PLA2G15: variants seen among roughly 807,000 people sequenced by gnomAD.
PLA2G15 encodes the protein phospholipase A2 group XV, also known as lysosomal phospholipase A and acyltransferase.
Under a neutral mutation model 40.9 loss-of-function variants are expected in PLA2G15, and 20 were observed. That is an observed-to-expected ratio of 0.49 (90% confidence interval 0.34 to 0.71). PLA2G15 has a LOEUF of 0.71. Ranked by LOEUF, PLA2G15 falls within the 30% of genes least tolerant of loss-of-function variation. The pLI, the probability that PLA2G15 is intolerant of heterozygous loss-of-function variation, is 0.01. For missense variants in PLA2G15, 471 were observed against 541.9 expected (o/e 0.87, Z 1.30); for synonymous variants, 223 against 228.2 (o/e 0.98, Z 0.21).
chr16:68,258,444 A>G (rs1485713639), intron 5 of PLA2G15, among the ~76,000 whole-genome samples: 1 of 152,256 alleles, frequency 6.6e-6, no homozygotes, highest in East Asian at 1.9e-4. Flanking sequence ...TTTACAGGCA[A>G]GGAAGCATCA....
In PLA2G15 at chr16:68,245,516, A is replaced by C; in HGVS notation, c.90A>C (p.Pro30=). The C allele has an allele frequency of 6.3e-7, 1 of 1,598,744 alleles. No homozygotes were observed. The highest frequency in any genetic ancestry group is 8.5e-7 in the Non-Finnish European group (1 of 1,176,910). ...TGCTGCTAATGCTGCTCGCGGACCC[A>C]GCGCTCCCGGCCGGACGTCACCCCC... ...LLLLLMLLAD[P]ALPAGRHPPV... is the part of the protein sequence containing the mutation. The change falls in exon 1 of 6, where the codon CCA becomes CCC. Residue 30 remains proline (P), a synonymous_variant. Coordinates refer to ENST00000219345, the MANE Select transcript of PLA2G15 (RefSeq NM_012320.4).
In PLA2G15 at chr16:68,255,700, G is replaced by A. The variant is rs2042394752; in HGVS notation, c.503-66G>A. ...CCCTCTCGTCTTGTGTCTGGCCTGA[G>A]AAAAGCTCAGTGGTTCCGGCTCCAG... On this transcript the variant is annotated intron_variant, in intron 4 of 5. Coordinates refer to ENST00000219345, the MANE Select transcript of PLA2G15 (RefSeq NM_012320.4). This position sits in a 1 kb window ranked among gnomAD's most constrained non-coding sequence, Gnocchi z 5.9. 1.4e-6 allele frequency: 2 copies of A among 1,381,282 alleles called. No homozygotes were observed. The highest frequency in any genetic ancestry group is 1.7e-5 in the Admixed American group (1 of 59,204). The allele number at this position is 1,381,282 out of a possible 1,614,324, so 85.6% of individuals were successfully genotyped here.
At position 68,255,760 on chromosome 16, in the gene PLA2G15, C is replaced by T. The variant is rs2042395422; in HGVS notation, c.503-6C>T. The T allele has an allele frequency of 6.2e-7, 1 of 1,613,328 alleles. No homozygotes were observed. Among genetic ancestry groups the T allele is most frequent in the Non-Finnish European group, 8.5e-7 (1 of 1,179,246 alleles). ...CACCTGACCCCTGCCTGGCTCTGGCCTGCAGATGAAAACGGGCCCTACTTC... is the reference window on the plus strand; with the variant it reads ...CACCTGACCCCTGCCTGGCTCTGGCTTGCAGATGAAAACGGGCCCTACTTC... On this transcript the variant is annotated splice_polypyrimidine_tract_variant and splice_region_variant and intron_variant, in intron 4 of 5. Transcript: ENST00000219345. The surrounding 1 kb of genome is among the most constrained non-coding windows in gnomAD (Gnocchi z 5.9).
At chr16:68,248,634 A>G (rs1207926635) in intron 1 of PLA2G15, 1 of 503,958 alleles carries the variant, frequency 2.0e-6, no homozygotes, top group Non-Finnish European at 2.7e-6. Flanking sequence ...TGATCCACTC[A>G]CCTCGGCCTC....
intron 2 of PLA2G15, chr16:68,253,353 G>T: frequency 2.5e-6 from 1 of 407,814 alleles, no homozygotes; most frequent in Non-Finnish European, 4.9e-6. Context: ...GAGGCATGGT[G>T]CCTTTCTAGG....
chr16:68,249,051 T>G (rs925849586), intron 1 of PLA2G15, among the ~76,000 whole-genome samples: 1 of 152,216 alleles, frequency 6.6e-6, no homozygotes, highest in Non-Finnish European at 1.5e-5. Flanking sequence ...CACAGGCATC[T>G]CTGCACCACA....
Position 68,249,431 on chromosome 16 carries a change from G to A in PLA2G15, c.269G>A (p.Trp90Ter). The change falls in exon 2 of 6, where the codon TGG becomes TAG. Residue 90 changes from tryptophan (W) to a stop codon, truncating the protein, a stop_gained. Transcript: ENST00000219345. LOFTEE classifies it high-confidence loss of function. ...ELLLPVIIDC[W>*]IDNIRLVYNK... ...CTGCTGCCTGTCATCATTGACTGCTGGATTGACAATATCAGGTGGGGGCTG... is the reference window on the plus strand; with the variant it reads ...CTGCTGCCTGTCATCATTGACTGCTAGATTGACAATATCAGGTGGGGGCTG... The A allele has an allele frequency of 6.2e-7, 1 of 1,614,140 alleles. No homozygotes were observed. Among genetic ancestry groups the A allele is most frequent in the Non-Finnish European group, 8.5e-7 (1 of 1,180,002 alleles).
At chr16:68,249,567 G>T in intron 2 of PLA2G15, 121 bp downstream of exon 2, 1 of 758,356 alleles carries the variant, frequency 1.3e-6, no homozygotes, top group East Asian at 2.7e-5. Context: ...CCAGGTCCTC[G>T]GTCTGGTCTG....
chr16:68,248,576 G>T, intron 1 of PLA2G15: 1 of 220,888 alleles, frequency 4.5e-6, no homozygotes. Flanking sequence ...TAGTAGAGAT[G>T]GGCTTTCACC....
Position 68,255,946 on chromosome 16 carries a change from C to T in PLA2G15, c.683C>T (p.Ala228Val), listed in dbSNP as rs752306133. 1.6e-5 allele frequency: 25 copies of T among 1,611,930 alleles called. No individual in the cohort carries two copies. Among genetic ancestry groups the T allele is most frequent in the South Asian group, 7.7e-5 (7 of 90,988 alleles). The part of the protein sequence containing the change: ...KYIRAFVSLG[A>V]PWGGVAKTLR... The stretch of plus-strand genomic sequence containing the variant: ...ATCCGGGCCTTCGTGTCACTGGGTG[C>T]GCCCTGGGGGGGCGTGGCCAAGACC... The change falls in exon 5 of 6, where the codon GCG (alanine) becomes GTG (valine). Residue 228 changes from alanine to valine, a missense_variant. Ala to Val is a moderately conservative substitution (Grantham distance 64, BLOSUM62 0). Coordinates refer to ENST00000219345, the MANE Select transcript of PLA2G15 (RefSeq NM_012320.4). The surrounding 1 kb of genome is among the most constrained non-coding windows in gnomAD (Gnocchi z 5.9).
At chr16:68,254,790 G>C (rs1301491450) in intron 2 of PLA2G15, 129 bp from the exon 3 acceptor site, 2 of 665,658 alleles carry the variant, frequency 3.0e-6, no homozygotes, top group South Asian at 1.8e-5. Context: ...GTTACTTTTC[G>C]GTCTCTCCTA....
intron 1 of PLA2G15, among the ~76,000 whole-genome samples, chr16:68,247,815 T>G (rs1403563108): frequency 6.6e-6 from 1 of 152,246 alleles, no homozygotes; most frequent in East Asian, 1.9e-4. Context: ...GTGCTGGTTT[T>G]TCACTCAATG....
rs1297950675 is a variant in PLA2G15 at position 68,260,853 on chromosome 16, G to C, written c.*1196G>C. On this transcript the variant is annotated 3_prime_UTR_variant, in exon 6 of 6. Coordinates refer to ENST00000219345, the MANE Select transcript of PLA2G15 (RefSeq NM_012320.4). ...AAGTGGGTGACTGGCCACAGGCCGA[G>C]AAAAGGGTACAGCCTCTAGGTGGGG... 4 of 152,346 alleles carry C rather than the reference G, an allele frequency of 2.6e-5. No homozygotes were observed. The highest frequency in any genetic ancestry group is 5.9e-5 in the Non-Finnish European group (4 of 68,096). 9.4% of individuals were successfully genotyped at this position (152,346 alleles called of 1,614,324 possible). A position where few individuals can be genotyped will look rare whatever the true frequency, so the allele number is the denominator to read the frequency against.
At chr16:68,253,204 A>G (rs2042369114) in intron 2 of PLA2G15, among the ~76,000 whole-genome samples, 1 of 152,194 alleles carries the variant, frequency 6.6e-6, no homozygotes, top group South Asian at 2.1e-4. Context: ...GCTGTGTCCA[A>G]TGCGCAGAGG....
chr16:68,257,516 A>G (rs2042412029), intron 5 of PLA2G15, among the ~76,000 whole-genome samples: 1 of 152,186 alleles, frequency 6.6e-6, no homozygotes, highest in African/African-American at 2.4e-5. Flanking sequence ...CTGCAGCTGT[A>G]GAGTAGAGCT....
Position 68,255,674 on chromosome 16 carries a change from C to A in PLA2G15, c.503-92C>A. On this transcript the variant is annotated intron_variant, in intron 4 of 5. Coordinates refer to ENST00000219345, the MANE Select transcript of PLA2G15 (RefSeq NM_012320.4). This position sits in a 1 kb window ranked among gnomAD's most constrained non-coding sequence, Gnocchi z 5.9. ...GTTTGAATGTGAGCACCCTCCCCTC[C>A]CCCTCTCGTCTTGTGTCTGGCCTGA... 9.6e-7 allele frequency: 1 copy of A among 1,041,842 alleles called. No homozygotes were observed. The highest frequency in any genetic ancestry group is 1.5e-6 in the Non-Finnish European group (1 of 671,112). The allele number at this position is 1,041,842 out of a possible 1,614,324, so 64.5% of individuals were successfully genotyped here.
At position 68,259,021 on chromosome 16, in the gene PLA2G15, C is replaced by G; in HGVS notation, c.728-125C>G. 2.8e-6 allele frequency: 2 copies of G among 725,974 alleles called. No individual in the cohort carries two copies. Among genetic ancestry groups the G allele is most frequent in the Non-Finnish European group, 4.7e-6 (2 of 429,694 alleles). The allele number at this position is 725,974 out of a possible 1,614,324, so 45.0% of individuals were successfully genotyped here. A position where few individuals can be genotyped will look rare whatever the true frequency, so the allele number is the denominator to read the frequency against. On this transcript the variant is annotated intron_variant, in intron 5 of 5. Transcript: ENST00000219345. The surrounding 1 kb of genome is among the most constrained non-coding windows in gnomAD (Gnocchi z 6.5). ...TCACAGTGATTACAATGATGATAAC[C>G]GGGTAGAGATGCGGGACTGTGGACT...
Position 68,254,745 on chromosome 16 carries a change from G to C in PLA2G15, c.285-174G>C, listed in dbSNP as rs1046868163. 1.8e-5 allele frequency: 11 copies of C among 617,044 alleles called. No individual in the cohort carries two copies. The East Asian group carries it at 2.5e-4, about 14-fold the overall frequency. 38.2% of individuals were successfully genotyped at this position (617,044 alleles called of 1,614,324 possible). ...CCACCTCAGCCTCCCTAAGTGCTGGGATTACAGGTGATCTGTGCTTTATCA... is the reference window on the plus strand; with the variant it reads ...CCACCTCAGCCTCCCTAAGTGCTGGCATTACAGGTGATCTGTGCTTTATCA... On this transcript the variant is annotated intron_variant, in intron 2 of 5. Transcript: ENST00000219345.
At chr16:68,254,548 C>T (rs2042385417) in intron 2 of PLA2G15, 2 of 166,050 alleles carry the variant, frequency 1.2e-5, no homozygotes, top group Non-Finnish European at 2.6e-5. Flanking sequence ...CCATGTTTGT[C>T]AGGCTGGTCT....
Sources: gnomAD v4.1 joint callset for allele counts (sites outside exome capture counted in the v4.1 genomes callset) on GRCh38, gnomAD v4.1.1 for gene constraint, Gnocchi (gnomAD v3.1) non-coding constraint, MANE v1.5 for transcripts, NCBI Gene and HGNC (gene_info 2026-07-23, HGNC 2026-07-21) for gene names.